The following LUZP2 variants were observed in gnomAD, a reference collection of about 807,000 sequenced individuals.
LUZP2 encodes leucine zipper protein 2.
A neutral mutation model predicts 51.6 loss-of-function variants in LUZP2; 52 were observed. The ratio of observed to expected loss-of-function variants is 1.01; its 90% CI spans 0.81 to 1.27. The LOEUF (loss-of-function observed/expected upper bound fraction) is 1.27. Ranked by LOEUF, LUZP2 falls within the 50% of genes most tolerant of loss-of-function variation. LUZP2 has a pLI of 0.00. For synonymous variants in LUZP2, 154 were observed against 137.3 expected (o/e 1.12, Z -0.85); for missense variants, 436 against 395.4 (o/e 1.10, Z -0.87).
chr11:24,685,853 A>G (rs1856882680), intron 1 of LUZP2, among the ~76,000 whole-genome samples: 1 of 152,220 alleles, frequency 6.6e-6, no homozygotes, highest in African/African-American at 2.4e-5. Flanking sequence ...GAATAAATAA[A>G]TAGTTTCCTA....
At chr11:24,926,651 GTGTGTGTATATATATA>G (rs1252769165) in intron 7 of LUZP2, among the ~76,000 whole-genome samples, 47 of 124,112 alleles carry the variant, frequency 3.8e-4, no homozygotes, top group African/African-American at 1.3e-3. Flanking sequence ...ATATATATAT[GTGTGTGTATATATATA>G]TGTGTGTGTG....
intron 1 of LUZP2, among the ~76,000 whole-genome samples, chr11:24,561,564 A>T (rs1301816908): frequency 6.6e-6 from 1 of 152,140 alleles, no homozygotes; most frequent in Non-Finnish European, 1.5e-5. Flanking sequence ...TAACACCAGA[A>T]CAGAGAACCA....
chr11:24,838,814 C>T (rs1342200683), intron 5 of LUZP2, among the ~76,000 whole-genome samples: 1 of 151,576 alleles, frequency 6.6e-6, no homozygotes, highest in Non-Finnish European at 1.5e-5. Flanking sequence ...TCTGGACTCT[C>T]TCCTTGAAAA....
intron 5 of LUZP2, among the ~76,000 whole-genome samples, chr11:24,768,653 A>G (rs1196521987): frequency 6.6e-6 from 1 of 152,214 alleles, no homozygotes; most frequent in African/African-American, 2.4e-5. Context: ...ATAAAAAAAT[A>G]CTCCCAACAT....
chr11:24,806,985 G>GCAAAC (rs1384690454), intron 5 of LUZP2, among the ~76,000 whole-genome samples: 14 of 130,036 alleles, frequency 1.1e-4, no homozygotes, highest in Admixed American at 8.3e-4. Flanking sequence ...ACATCAGTGG[G>GCAAAC]CAAACCAATT....
intron 5 of LUZP2, among the ~76,000 whole-genome samples, chr11:24,845,841 T>C (rs1851182541): frequency 6.6e-6 from 1 of 152,150 alleles, no homozygotes; most frequent in African/African-American, 2.4e-5. Context: ...TGTGGAACCA[T>C]AAGTCTACGA....
At chr11:25,023,123 GTC>G (rs1333192024) in intron 9 of LUZP2, among the ~76,000 whole-genome samples, 1 of 151,898 alleles carries the variant, frequency 6.6e-6, no homozygotes, top group Non-Finnish European at 1.5e-5. Flanking sequence ...TTTTTGTTGT[GTC>G]TCTGCCAGGC....
chr11:24,708,733 G>T (rs1857702282), intron 1 of LUZP2, among the ~76,000 whole-genome samples: 1 of 147,574 alleles, frequency 6.8e-6, no homozygotes, highest in African/African-American at 2.4e-5. Context: ...CAAGTTGCCA[G>T]ACAATGATGA....
intron 1 of LUZP2, among the ~76,000 whole-genome samples, chr11:24,682,539 G>GTA (rs919936266): frequency 4.9e-5 from 7 of 141,764 alleles, no homozygotes; most frequent in Admixed American, 7.0e-5. Flanking sequence ...GGTTCAGTGT[G>GTA]TATATGTATA....
chr11:24,886,130 A>G (rs1474711433), intron 5 of LUZP2, among the ~76,000 whole-genome samples: 1 of 152,208 alleles, frequency 6.6e-6, no homozygotes, highest in Non-Finnish European at 1.5e-5. Context: ...CTATTAAAGT[A>G]GAAATTAATC....
intron 5 of LUZP2, among the ~76,000 whole-genome samples, chr11:24,837,057 T>C (rs182279227): frequency 4.1e-5 from 1 of 24,180 alleles, no homozygotes; most frequent in African/African-American, 5.9e-5. Context: ...TGTTCAAGAA[T>C]GGTTGGTAGA....
At chr11:24,759,820 A>C (rs1250508179) in intron 4 of LUZP2, among the ~76,000 whole-genome samples, 1 of 152,100 alleles carries the variant, frequency 6.6e-6, no homozygotes, top group Non-Finnish European at 1.5e-5. Flanking sequence ...ACTTGGTGTA[A>C]ATCAAAAAGT....
intron 5 of LUZP2, among the ~76,000 whole-genome samples, chr11:24,882,309 G>T (rs1190621964): frequency 6.6e-6 from 1 of 151,302 alleles, no homozygotes; most frequent in East Asian, 1.9e-4. Context: ...GAATTTTGGA[G>T]AAGTTTTAGG....
chr11:24,814,800 A>G (rs374710481), intron 5 of LUZP2, among the ~76,000 whole-genome samples: 80 of 152,138 alleles, frequency 5.3e-4, no homozygotes, highest in East Asian at 1.4e-3. Context: ...AGACCATCCT[A>G]GCTAACACGG....
chr11:24,574,275 T>TA (rs1565000701), intron 1 of LUZP2, among the ~76,000 whole-genome samples: 6 of 47,342 alleles, frequency 1.3e-4, no homozygotes, highest in East Asian at 5.3e-4. Flanking sequence ...TTTCTTTCTT[T>TA]CTTTCTTTCT....
At chr11:24,757,674 A>T (rs2134021458) in intron 4 of LUZP2, among the ~76,000 whole-genome samples, 1 of 152,116 alleles carries the variant, frequency 6.6e-6, no homozygotes, top group South Asian at 2.1e-4. Context: ...TGAAAAGATT[A>T]TGCTAAAGAA....
At chr11:24,901,016 C>T (rs1399587200) in intron 5 of LUZP2, among the ~76,000 whole-genome samples, 1 of 152,000 alleles carries the variant, frequency 6.6e-6, no homozygotes, top group Non-Finnish European at 1.5e-5. Context: ...CTGTGGTCTG[C>T]TTGGGTTTTT....
At chr11:24,700,016 A>G (rs972282207) in intron 1 of LUZP2, among the ~76,000 whole-genome samples, 1 of 151,146 alleles carries the variant, frequency 6.6e-6, no homozygotes, top group Non-Finnish European at 1.5e-5. Context: ...CTCTCCCAAG[A>G]AAACTCTTTT....
chr11:24,754,367 C>G (rs1460337092), intron 4 of LUZP2, among the ~76,000 whole-genome samples: 2 of 152,154 alleles, frequency 1.3e-5, no homozygotes, highest in Non-Finnish European at 2.9e-5. Flanking sequence ...AGTTCTTTCA[C>G]TCTCCTCACT....
Sources: allele counts gnomAD v4.1 joint callset (sites outside exome capture counted in the v4.1 genomes callset), GRCh38; gene constraint gnomAD v4.1.1; transcripts MANE v1.5; gene names NCBI Gene and HGNC (gene_info 2026-07-23, HGNC 2026-07-21).